Variants in CERK observed in about 807,000 individuals in gnomAD.
The protein encoded by CERK is ceramide kinase, also known as acylsphingosine kinase.
Under a neutral mutation model 63.4 loss-of-function variants are expected in CERK, and 39 were observed. That is an observed-to-expected ratio of 0.61 (90% CI 0.48 to 0.80). The LOEUF is 0.80. Among genes scored for constraint, CERK ranks in the 30% least tolerant of loss-of-function variants. CERK has a pLI of 0.00. For synonymous variants in CERK, 302 were observed against 280.0 expected (o/e 1.08, Z -0.78); for missense variants, 670 against 714.1 (o/e 0.94, Z 0.70).
chr22:46,706,395 G>A (rs1330930433), intron 6 of CERK, among the ~76,000 whole-genome samples: 2 of 151,486 alleles, frequency 1.3e-5, no homozygotes, highest in African/African-American at 4.9e-5. Flanking sequence ...TCCAGCAGAG[G>A]CTCCCCCGAG....
chr22:46,695,357 C>T (rs368958311), intron 8 of CERK, 42 bp from the exon 9 acceptor site: 7 of 1,159,348 alleles, frequency 6.0e-6, no homozygotes, highest in South Asian at 3.7e-5. Context: ...CCACAAGGGT[C>T]ATTGCTTGGT....
chr22:46,710,986 C>T (rs562004168), intron 5 of CERK, 100 bp downstream of exon 5: 19 of 891,942 alleles, frequency 2.1e-5, no homozygotes, highest in South Asian at 4.4e-5. Flanking sequence ...TGGGTGGAGG[C>T]GGGGGGCGGA....
chr22:46,716,399 C>T (rs1384128996), intron 3 of CERK, among the ~76,000 whole-genome samples: 1 of 150,918 alleles, frequency 6.6e-6, no homozygotes, highest in East Asian at 2.0e-4. Context: ...CCATGTTGGC[C>T]AGGCTGGTCC....
At chr22:46,708,509 A>C (rs1396503728) in intron 5 of CERK, among the ~76,000 whole-genome samples, 1 of 152,236 alleles carries the variant, frequency 6.6e-6, no homozygotes, top group African/African-American at 2.4e-5. Flanking sequence ...GCAAATCACC[A>C]GCCGTGTGGG....
At chr22:46,707,473 C>T (rs577381096) in intron 6 of CERK, among the ~76,000 whole-genome samples, 47 of 152,282 alleles carry the variant, frequency 3.1e-4, no homozygotes, top group South Asian at 1.2e-3. Flanking sequence ...TGCCCACACC[C>T]ACCCCTAACT....
At chr22:46,689,209 T>C (rs111734611) in intron 12 of CERK, among the ~76,000 whole-genome samples, 1,941 of 152,324 alleles carry the variant, frequency 0.013, 41 homozygotes, top group African/African-American at 0.044. Flanking sequence ...GGGCTCCTCC[T>C]CTCCTTCCCA....
In CERK at chr22:46,684,539, C is replaced by T. The variant is rs1013976990; in HGVS notation, c.*2595G>A. The T allele has an allele frequency of 3.9e-5, 6 of 152,260 alleles. No homozygotes were observed. The South Asian group carries it at 6.2e-4, about 16-fold the overall frequency. 9.4% of individuals were successfully genotyped at this position (152,260 alleles called of 1,614,324 possible). On this transcript the variant is annotated 3_prime_UTR_variant, in exon 13 of 13. Coordinates refer to ENST00000216264, the MANE Select transcript of CERK (RefSeq NM_022766.6). ...TTTCACTCAGACTTTCCCAGTTACT[C>T]AAGATTGTATTCAGGAACGAAGTCA...
At chr22:46,698,259 G>A (rs752592758) in intron 8 of CERK, among the ~76,000 whole-genome samples, 28 of 152,242 alleles carry the variant, frequency 1.8e-4, no homozygotes, top group Admixed American at 3.3e-4. Flanking sequence ...TGGGCTTCAG[G>A]GAGTGCGGCG....
intron 8 of CERK, among the ~76,000 whole-genome samples, chr22:46,698,461 C>G (rs1601712367): frequency 1.3e-5 from 2 of 152,244 alleles, no homozygotes; most frequent in East Asian, 3.8e-4. Flanking sequence ...CCAACAAAAC[C>G]ACGCAACCTT....
chr22:46,687,645 C>G (rs549089816), intron 12 of CERK, among the ~76,000 whole-genome samples: 4 of 148,082 alleles, frequency 2.7e-5, no homozygotes, highest in African/African-American at 9.8e-5. Context: ...GGAGTCTGTG[C>G]GGGGCGACTC....
intron 1 of CERK, among the ~76,000 whole-genome samples, chr22:46,737,303 A>AAAC (rs1186629971): frequency 7.1e-6 from 1 of 141,672 alleles, no homozygotes; most frequent in East Asian, 2.1e-4. Context: ...AAAAAAAAAA[A>AAAC]AAACAAAAAA....
At chr22:46,691,056 T>TACACACAC (rs141210280) in intron 11 of CERK, among the ~76,000 whole-genome samples, 3,589 of 147,264 alleles carry the variant, frequency 0.024, 120 homozygotes, top group African/African-American at 0.08. Context: ...TATACATACA[T>TACACACAC]ACACACACAC....
intron 1 of CERK, among the ~76,000 whole-genome samples, chr22:46,733,908 T>G (rs983917565): frequency 1.5e-4 from 23 of 151,930 alleles, no homozygotes; most frequent in Admixed American, 1.0e-3. Context: ...TGGTGGCAGG[T>G]GCCCATAATC....
chr22:46,695,401 G>A (rs1205127641), intron 8 of CERK, 86 bp from the exon 9 acceptor site: 10 of 851,528 alleles, frequency 1.2e-5, no homozygotes, highest in Non-Finnish European at 1.4e-5. Context: ...CAGAAATGTC[G>A]CTGAGCGCGC....
chr22:46,722,838 G>A (rs565458233), intron 1 of CERK, among the ~76,000 whole-genome samples: 65 of 152,320 alleles, frequency 4.3e-4, no homozygotes, highest in Non-Finnish European at 7.4e-4. Flanking sequence ...CTGCCAGAAG[G>A]AGCGACACAG....
intron 1 of CERK, among the ~76,000 whole-genome samples, chr22:46,731,420 A>G (rs939549642): frequency 6.6e-6 from 1 of 152,172 alleles, no homozygotes; most frequent in African/African-American, 2.4e-5. Flanking sequence ...AATGACAAGC[A>G]GCCCCTGACT....
Position 46,718,499 on chromosome 22 carries a change from G to A in CERK, c.379+1587C>T, listed in dbSNP as rs1264609299. Among the ~76,000 whole-genome samples the A allele has an allele frequency of 2.0e-5, 3 of 152,120 alleles. No individual in the cohort carries two copies. The East Asian group carries it at 5.8e-4, about 29-fold the overall frequency. ...TTGTGGTGGTTTGAGATGTGAGGAC[G>A]GTCAGGATGAGCTTTTCACGACAGC... is the stretch of plus-strand genomic sequence containing the variant. On this transcript the variant is annotated intron_variant, in intron 3 of 12. Coordinates refer to ENST00000216264, the MANE Select transcript of CERK (RefSeq NM_022766.6).
rs1302157434 is a variant in CERK, at chr22:46,738,203, C to G, written c.-55G>C. The G allele has an allele frequency of 3.7e-6, 4 of 1,074,718 alleles. No individual in the cohort carries two copies. Among genetic ancestry groups the G allele is most frequent in the Non-Finnish European group, 3.4e-6 (3 of 889,036 alleles). The allele number at this position is 1,074,718 out of a possible 1,614,324, so 66.6% of individuals were successfully genotyped here. A position where few individuals can be genotyped will look rare whatever the true frequency, so the allele number is the denominator to read the frequency against. The stretch of plus-strand genomic sequence containing the variant: ...GGGGCGCGCGGACGCCGAGGGGCGC[C>G]GGACCGTTAGCGGCCCCTGCAGTGG... On this transcript the variant is annotated 5_prime_UTR_variant, in exon 1 of 13. Transcript: ENST00000216264.
Position 46,701,618 on chromosome 22 carries a change from C to A in CERK, c.790+18G>T. 8.4e-6 allele frequency: 13 copies of A among 1,551,462 alleles called. No individual in the cohort carries two copies. The highest frequency in any genetic ancestry group is 1.1e-5 in the Non-Finnish European group (13 of 1,147,566). ...AGGCCCGGCTGCCACCGTGCGCATG[C>A]GCAGAGGAGGGGCTCACCAACAACG... On this transcript the variant is annotated intron_variant, in intron 7 of 12. Transcript: ENST00000216264.
Sources: allele counts gnomAD v4.1 joint callset (sites outside exome capture counted in the v4.1 genomes callset), GRCh38; gene constraint gnomAD v4.1.1; transcripts MANE v1.5; gene names NCBI Gene and HGNC (gene_info 2026-07-23, HGNC 2026-07-21).